The following DRC8 variants were observed in gnomAD, a reference collection of about 807,000 sequenced individuals.
DRC8 encodes dynein regulatory complex protein 8.
the DRC8 span, among the ~76,000 whole-genome samples, chr1:245,104,396 C>A: frequency 2.0e-5 from 3 of 151,900 alleles, no homozygotes; most frequent in Non-Finnish European, 4.4e-5. Context: ...CCCAGCTACT[C>A]GGGCAGCTGA....
the DRC8 span, among the ~76,000 whole-genome samples, chr1:245,010,978 G>T: frequency 1.3e-5 from 2 of 152,020 alleles, no homozygotes; most frequent in African/African-American, 4.8e-5. Flanking sequence ...ACCGCGCCCA[G>T]CCTTGAGTAT....
chr1:244,970,638 T>TCCGCCCCGCCCCGCCCCGCCCCGCC, the DRC8 span: 1 of 486,220 alleles, frequency 2.1e-6, no homozygotes, highest in African/African-American at 3.5e-5. Context: ...GGCCCGCCGC[T>TCCGCCCCGCCCCGCCCCGCCCCGCC]CCGCCCCGCC....
At chr1:245,023,742 A>T in the DRC8 span, among the ~76,000 whole-genome samples, 5 of 152,018 alleles carry the variant, frequency 3.3e-5, no homozygotes, top group African/African-American at 1.2e-4. Flanking sequence ...CCATTTTTAA[A>T]CCAGGTTGTT....
chr1:245,123,069 A>C, the DRC8 span: 1 of 152,034 alleles, frequency 6.6e-6, no homozygotes, highest in Non-Finnish European at 1.5e-5. The surrounding 1 kb of genome is among the most constrained non-coding windows in gnomAD (Gnocchi z 5.0). Flanking sequence ...GTATATCCTT[A>C]GTTCATTCTT....
chr1:245,069,950 C>T, the DRC8 span, among the ~76,000 whole-genome samples: 2 of 152,196 alleles, frequency 1.3e-5, no homozygotes, highest in Admixed American at 1.3e-4. Flanking sequence ...GAAGCTGAGA[C>T]AGGAGGGTCA....
the DRC8 span, among the ~76,000 whole-genome samples, chr1:245,025,385 T>C: frequency 6.6e-6 from 1 of 152,224 alleles, no homozygotes; most frequent in East Asian, 1.9e-4. Context: ...CTCTTTTTAT[T>C]TCATTTTCCT....
the DRC8 span, among the ~76,000 whole-genome samples, chr1:245,042,295 G>A: frequency 4.6e-5 from 7 of 152,076 alleles, no homozygotes; most frequent in Non-Finnish European, 8.8e-5. Context: ...GTTTTTTAGG[G>A]GGCTACAAAC....
chr1:244,987,360 C>A, the DRC8 span, among the ~76,000 whole-genome samples: 1 of 152,002 alleles, frequency 6.6e-6, no homozygotes, highest in Non-Finnish European at 1.5e-5. Context: ...ATCACCACAC[C>A]TGGCTAATTT....
the DRC8 span, among the ~76,000 whole-genome samples, chr1:244,981,242 A>G: frequency 1.3e-5 from 2 of 151,958 alleles, no homozygotes; most frequent in African/African-American, 2.4e-5. Flanking sequence ...AGTGACTAGG[A>G]TCAGAACTCT....
At chr1:245,019,035 C>T in the DRC8 span, among the ~76,000 whole-genome samples, 6 of 152,138 alleles carry the variant, frequency 3.9e-5, no homozygotes, top group Non-Finnish European at 5.9e-5. Flanking sequence ...AAGAAAATCT[C>T]CCGATCACTG....
the DRC8 span, among the ~76,000 whole-genome samples, chr1:245,101,859 G>A: frequency 6.6e-6 from 1 of 152,156 alleles, no homozygotes; most frequent in Non-Finnish European, 1.5e-5. Context: ...TTTTTGAACA[G>A]TGGGAGCTGC....
chr1:245,086,727 T>G, the DRC8 span: 4 of 533,310 alleles, frequency 7.5e-6, no homozygotes, highest in African/African-American at 7.7e-5. Context: ...CAACCCTATG[T>G]GACAGGTGGT....
At chr1:245,004,671 C>A in the DRC8 span, among the ~76,000 whole-genome samples, 128 of 152,310 alleles carry the variant, frequency 8.4e-4, no homozygotes, top group Admixed American at 1.7e-3. Flanking sequence ...AGAAGCTCCC[C>A]TTAACGTGTG....
chr1:245,100,489 A>G, the DRC8 span, among the ~76,000 whole-genome samples: 2 of 152,154 alleles, frequency 1.3e-5, no homozygotes, highest in South Asian at 4.1e-4. Flanking sequence ...TTAAAAAAAT[A>G]CTATACAGAG....
At chr1:244,970,613 C>T in the DRC8 span, 4 of 697,232 alleles carry the variant, frequency 5.7e-6, no homozygotes, top group East Asian at 1.0e-4. Context: ...CTGCCCCCGT[C>T]CCCGTAGCCC....
At chr1:245,013,737 T>C in the DRC8 span, among the ~76,000 whole-genome samples, 1 of 151,986 alleles carries the variant, frequency 6.6e-6, no homozygotes, top group Non-Finnish European at 1.5e-5. Flanking sequence ...ACATTAAAAG[T>C]AGTTAACTCT....
chr1:245,109,257 C>T, the DRC8 span, among the ~76,000 whole-genome samples: 1 of 152,174 alleles, frequency 6.6e-6, no homozygotes, highest in African/African-American at 2.4e-5. Flanking sequence ...TACTTGGAGG[C>T]AGGGGGCTCA....
the DRC8 span, among the ~76,000 whole-genome samples, chr1:245,081,594 G>A: frequency 1.6e-4 from 24 of 152,084 alleles, no homozygotes; most frequent in African/African-American, 4.6e-4. Flanking sequence ...TCAGCCTCCC[G>A]TGTAGCTTGG....
At chr1:245,084,444 G>A in the DRC8 span, among the ~76,000 whole-genome samples, 1 of 152,058 alleles carries the variant, frequency 6.6e-6, no homozygotes, top group African/African-American at 2.4e-5. Flanking sequence ...CACTAAAAAT[G>A]TCCTTTTTTA....
Sources: gnomAD v4.1 joint callset for allele counts (sites outside exome capture counted in the v4.1 genomes callset) on GRCh38, gnomAD v4.1.1 for gene constraint, Gnocchi (gnomAD v3.1) non-coding constraint, MANE v1.5 for transcripts, NCBI Gene and HGNC (gene_info 2026-07-23, HGNC 2026-07-21) for gene names.